SLC24A2: variants seen among roughly 807,000 people sequenced by gnomAD.
SLC24A2 encodes sodium/potassium/calcium exchanger 2.
In SLC24A2, 36 loss-of-function variants were observed where a neutral mutation model predicts 62.0. The ratio of observed to expected loss-of-function variants is 0.58; its 90% CI spans 0.44 to 0.77. The LOEUF (loss-of-function observed/expected upper bound fraction) is 0.77, where lower values mean the gene tolerates loss of function less well. Ranked by LOEUF, SLC24A2 falls within the 30% of genes least tolerant of loss-of-function variation. The pLI, the probability that SLC24A2 is intolerant of heterozygous loss-of-function variation, is 0.00. For missense variants in SLC24A2, 846 were observed against 817.9 expected (o/e 1.03, Z -0.42); for synonymous variants, 358 against 294.0 (o/e 1.22, Z -2.23).
chr9:20,031,018 G>A, the SLC24A2 span, among the ~76,000 whole-genome samples: 24 of 151,878 alleles, frequency 1.6e-4, no homozygotes, highest in African/African-American at 3.6e-4. Flanking sequence ...TCCTTGGCCC[G>A]TCCAAAGACA....
the SLC24A2 span, among the ~76,000 whole-genome samples, chr9:20,045,157 C>G: frequency 6.6e-6 from 1 of 152,182 alleles, no homozygotes; most frequent in Admixed American, 6.5e-5. Flanking sequence ...TTATTGAGAA[C>G]TTACTATATG....
the SLC24A2 span, among the ~76,000 whole-genome samples, chr9:19,925,373 G>A: frequency 1.3e-5 from 2 of 152,142 alleles, no homozygotes; most frequent in African/African-American, 4.8e-5. Flanking sequence ...TGATCTTTTT[G>A]TCATCTCTTA....
At chr9:19,843,443 C>G in the SLC24A2 span, among the ~76,000 whole-genome samples, 3 of 152,162 alleles carry the variant, frequency 2.0e-5, no homozygotes, top group Non-Finnish European at 4.4e-5. Context: ...ACCTGGGAGG[C>G]GGAGGTTGCA....
the SLC24A2 span, among the ~76,000 whole-genome samples, chr9:19,812,719 T>C: frequency 0.85 from 129,181 of 151,860 alleles, 56,015 homozygotes; most frequent in Non-Finnish European, 0.95. Context: ...TGACTGAATG[T>C]CAAATATTGT....
the SLC24A2 span, among the ~76,000 whole-genome samples, chr9:20,090,526 C>T: frequency 9.9e-5 from 15 of 152,034 alleles, no homozygotes; most frequent in Admixed American, 3.9e-4. Flanking sequence ...GTCTACCAAC[C>T]GACCACTATA....
the SLC24A2 span, among the ~76,000 whole-genome samples, chr9:19,809,256 A>G: frequency 6.6e-6 from 1 of 152,222 alleles, no homozygotes; most frequent in African/African-American, 2.4e-5. Context: ...GTGGACTTAG[A>G]AAAAGCAAAA....
intron 2 of SLC24A2, among the ~76,000 whole-genome samples, chr9:19,706,066 C>A (rs1204942166): frequency 1.3e-5 from 2 of 152,004 alleles, no homozygotes; most frequent in Admixed American, 1.3e-4. Context: ...GTGTGGGAGT[C>A]CAAGTCTCTT....
At chr9:19,708,886 A>C (rs1260502826) in intron 2 of SLC24A2, among the ~76,000 whole-genome samples, 1 of 152,210 alleles carries the variant, frequency 6.6e-6, no homozygotes, top group African/African-American at 2.4e-5. Flanking sequence ...CAATGGCAAC[A>C]AAAGCCAAAA....
chr9:19,912,664 T>A, the SLC24A2 span, among the ~76,000 whole-genome samples: 1 of 152,266 alleles, frequency 6.6e-6, no homozygotes, highest in Middle Eastern at 3.4e-3. Flanking sequence ...TTTCACATCG[T>A]TTATAAAATG....
chr9:19,952,658 A>ATTTT, the SLC24A2 span, among the ~76,000 whole-genome samples: 1 of 130,604 alleles, frequency 7.7e-6, no homozygotes, highest in Non-Finnish European at 1.6e-5. Context: ...TTTGCCAAGC[A>ATTTT]TTTTTTTTTT....
chr9:20,304,219 T>C, the SLC24A2 span, among the ~76,000 whole-genome samples: 1 of 152,128 alleles, frequency 6.6e-6, no homozygotes, highest in South Asian at 2.1e-4. Context: ...GGTTAACTAT[T>C]TCACTGCTGG....
At chr9:19,777,707 A>T (rs1322168897) in intron 2 of SLC24A2, among the ~76,000 whole-genome samples, 3 of 152,146 alleles carry the variant, frequency 2.0e-5, no homozygotes, top group Non-Finnish European at 4.4e-5. Context: ...GTGTGTATAT[A>T]TATGTCTATG....
chr9:19,551,422 A>T (rs1834840895), intron 7 of SLC24A2, among the ~76,000 whole-genome samples: 1 of 152,142 alleles, frequency 6.6e-6, no homozygotes. Context: ...GTCTGGGCCC[A>T]GCAGGGGGTG....
chr9:19,602,048 G>GC (rs1331479477), intron 4 of SLC24A2, among the ~76,000 whole-genome samples: 1 of 152,154 alleles, frequency 6.6e-6, no homozygotes, highest in Non-Finnish European at 1.5e-5. Context: ...TCATTATAAT[G>GC]CAGAACAAGG....
the SLC24A2 span, among the ~76,000 whole-genome samples, chr9:19,833,149 G>A: frequency 1.3e-5 from 2 of 152,184 alleles, no homozygotes; most frequent in African/African-American, 4.8e-5. Flanking sequence ...CCCAGCATGA[G>A]CGATGCAGAA....
the SLC24A2 span, among the ~76,000 whole-genome samples, chr9:20,227,080 A>T: frequency 6.6e-6 from 1 of 152,152 alleles, no homozygotes; most frequent in Non-Finnish European, 1.5e-5. Flanking sequence ...CAGCGTTAGT[A>T]ACAAATCCCT....
the SLC24A2 span, among the ~76,000 whole-genome samples, chr9:19,859,751 T>C: frequency 9.3e-4 from 141 of 152,322 alleles, no homozygotes; most frequent in African/African-American, 3.3e-3. Flanking sequence ...CCCCTTGCAG[T>C]GGCAGCATTG....
chr9:20,205,673 AACAAAC>A, the SLC24A2 span, among the ~76,000 whole-genome samples: 1 of 139,818 alleles, frequency 7.2e-6, no homozygotes, highest in African/African-American at 2.6e-5. Context: ...AAAAAAAAAA[AACAAAC>A]AAAAAAACGT....
intron 8 of SLC24A2, among the ~76,000 whole-genome samples, chr9:19,546,148 C>T (rs537424266): frequency 1.1e-4 from 17 of 152,356 alleles, no homozygotes; most frequent in African/African-American, 4.1e-4. Context: ...TTGGCCCCTA[C>T]TGGGAGCTGT....
Sources: allele counts gnomAD v4.1 joint callset (sites outside exome capture counted in the v4.1 genomes callset), GRCh38; gene constraint gnomAD v4.1.1; transcripts MANE v1.5; gene names NCBI Gene and HGNC (gene_info 2026-07-23, HGNC 2026-07-21).